PRKCZ: variants seen among roughly 807,000 people sequenced by gnomAD.
PRKCZ encodes protein kinase C zeta type.
In PRKCZ, 33 loss-of-function variants were observed where a neutral mutation model predicts 79.5. That is an observed-to-expected ratio of 0.41 (90% CI 0.31 to 0.55). The LOEUF is 0.55. Ranked by LOEUF, PRKCZ falls within the 20% of genes least tolerant of loss-of-function variation. The pLI, the probability that PRKCZ is intolerant of heterozygous loss-of-function variation, is 0.19. For missense variants in PRKCZ, 578 were observed against 813.5 expected (o/e 0.71, Z 3.52); for synonymous variants, 342 against 320.9 (o/e 1.07, Z -0.70).
At chr1:2,073,233 C>T (rs1434595573) in intron 4 of PRKCZ, among the ~76,000 whole-genome samples, 1 of 152,076 alleles carries the variant, frequency 6.6e-6, no homozygotes, top group African/African-American at 2.4e-5. Flanking sequence ...TTGGCCTTTC[C>T]TGTTCCTGCC....
chr1:2,148,721 A>T, intron 7 of PRKCZ, 151 bp from the exon 8 acceptor site: 2 of 719,180 alleles, frequency 2.8e-6, no homozygotes, highest in Non-Finnish European at 2.2e-6. Flanking sequence ...CTGCATTTTC[A>T]GAAGACTCTA....
intron 4 of PRKCZ, among the ~76,000 whole-genome samples, chr1:2,089,237 G>A (rs1221903079): frequency 1.3e-5 from 2 of 152,080 alleles, no homozygotes; most frequent in Non-Finnish European, 2.9e-5. Flanking sequence ...GACGCCATGA[G>A]GAAGGACCCA....
intron 9 of PRKCZ, among the ~76,000 whole-genome samples, chr1:2,154,203 G>C (rs1325746279): frequency 6.6e-6 from 1 of 152,222 alleles, no homozygotes; most frequent in Non-Finnish European, 1.5e-5. Flanking sequence ...GAGATGGGAG[G>C]AGATGCGGGC....
intron 4 of PRKCZ, among the ~76,000 whole-genome samples, chr1:2,062,123 T>C (rs1461113304): frequency 6.6e-6 from 1 of 152,220 alleles, no homozygotes; most frequent in Non-Finnish European, 1.5e-5. Context: ...GCACATTCTA[T>C]GTGTGTCTAT....
intron 4 of PRKCZ, chr1:2,116,197 T>A (rs1294097927): frequency 6.6e-6 from 1 of 152,258 alleles, no homozygotes; most frequent in Admixed American, 6.5e-5. Flanking sequence ...TCACTCTGGG[T>A]CGTGTGGGAA....
At chr1:2,116,396 T>C (rs1670772608) in intron 4 of PRKCZ, 1 of 152,184 alleles carries the variant, frequency 6.6e-6, no homozygotes, top group Admixed American at 6.5e-5. Context: ...ATTTCAAAAT[T>C]GGGCTGTCAA....
At chr1:2,158,189 T>A (rs1478534231) in intron 10 of PRKCZ, among the ~76,000 whole-genome samples, 1 of 152,224 alleles carries the variant, frequency 6.6e-6, no homozygotes, top group African/African-American at 2.4e-5. Flanking sequence ...CCTAAGTGTG[T>A]TTCAGGGTCC....
intron 1 of PRKCZ, 59 bp from the exon 2 acceptor site, chr1:2,055,382 T>G: frequency 6.5e-7 from 1 of 1,531,140 alleles, no homozygotes; most frequent in Non-Finnish European, 8.8e-7. Context: ...GGTAATCATT[T>G]TTTAATTTGA....
chr1:2,077,363 G>A (rs146275346), intron 4 of PRKCZ, among the ~76,000 whole-genome samples: 2 of 152,230 alleles, frequency 1.3e-5, no homozygotes, highest in Non-Finnish European at 2.9e-5. Context: ...CCCTGTGTCT[G>A]TTGGGGCTGT....
intron 4 of PRKCZ, chr1:2,116,139 GCGCGCT>G (rs770481031): frequency 1.3e-5 from 2 of 152,290 alleles, no homozygotes; most frequent in Non-Finnish European, 2.9e-5. Context: ...CAGAGGGGCT[GCGCGCT>G]GGGAAACTGA....
chr1:2,068,781 C>T (rs1259320888), intron 4 of PRKCZ, among the ~76,000 whole-genome samples: 2 of 152,182 alleles, frequency 1.3e-5, no homozygotes, highest in African/African-American at 4.8e-5. Context: ...GCCCCCGCCC[C>T]GTGAGAGGTT....
rs1662296263 is a variant in PRKCZ, at chr1:2,075,808, A to G, written c.334+16217A>G. Among the ~76,000 whole-genome samples, 1 of 152,228 alleles carries G rather than the reference A, an allele frequency of 6.6e-6. No homozygotes were observed. Among genetic ancestry groups the G allele is most frequent in the Admixed American group, 6.5e-5 (1 of 15,290 alleles). ...CTGGTGGGGACCTGCCAGGGCTGTC[A>G]ATGGCCCCAGTGGAGAGGCCCACTG... On this transcript the variant is annotated intron_variant, in intron 4 of 17. Transcript: ENST00000378567. The surrounding 1 kb of genome is among the most constrained non-coding windows in gnomAD (Gnocchi z 4.8).
intron 6 of PRKCZ, 152 bp downstream of exon 6, chr1:2,144,493 G>A (rs1481908983): frequency 4.1e-5 from 60 of 1,447,850 alleles, no homozygotes; most frequent in South Asian, 5.7e-5. Context: ...AGACTCAGGC[G>A]GCAGTCTTGG....
chr1:2,103,731 A>G (rs958005757), intron 4 of PRKCZ, among the ~76,000 whole-genome samples: 5 of 152,188 alleles, frequency 3.3e-5, no homozygotes, highest in Admixed American at 3.3e-4. Flanking sequence ...GAGAGAGAGG[A>G]CTGTCTAGAA....
chr1:2,097,281 GGGT>G (rs1666691376), intron 4 of PRKCZ, among the ~76,000 whole-genome samples: 1 of 152,312 alleles, frequency 6.6e-6, no homozygotes, highest in African/African-American at 2.4e-5. Flanking sequence ...GGGAAGGCCC[GGGT>G]CGTCGTCATA....
At chr1:2,083,349 A>T (rs1663926548) in intron 4 of PRKCZ, among the ~76,000 whole-genome samples, 1 of 152,106 alleles carries the variant, frequency 6.6e-6, no homozygotes, top group African/African-American at 2.4e-5. Context: ...CATTCATGAA[A>T]ATTACTGTGG....
intron 4 of PRKCZ, among the ~76,000 whole-genome samples, chr1:2,098,827 G>A (rs868715824): frequency 5.3e-5 from 8 of 151,994 alleles, no homozygotes; most frequent in African/African-American, 1.5e-4. Context: ...GACTACAGGC[G>A]CCCACCACCA....
At chr1:2,074,603 C>T (rs946968229) in intron 4 of PRKCZ, 5 of 478,548 alleles carry the variant, frequency 1.0e-5, no homozygotes, top group African/African-American at 7.9e-5. Flanking sequence ...CGTCTCGAGC[C>T]TGCCCTCCCG....
At chr1:2,155,079 C>T (rs1004068549) in intron 9 of PRKCZ, among the ~76,000 whole-genome samples, 1 of 152,172 alleles carries the variant, frequency 6.6e-6, no homozygotes, top group Non-Finnish European at 1.5e-5. Context: ...GAGCTGGTAG[C>T]TTTGGTGATC....
Sources: gnomAD v4.1 joint callset for allele counts (sites outside exome capture counted in the v4.1 genomes callset) on GRCh38, gnomAD v4.1.1 for gene constraint, Gnocchi (gnomAD v3.1) non-coding constraint, MANE v1.5 for transcripts, NCBI Gene and HGNC (gene_info 2026-07-23, HGNC 2026-07-21) for gene names.